The following SGCB variants were observed in gnomAD, a reference collection of about 807,000 sequenced individuals.
The protein encoded by SGCB is sarcoglycan beta.
A neutral mutation model predicts 27.3 loss-of-function variants in SGCB; 25 were observed. The ratio of observed to expected loss-of-function variants is 0.92; its 90% CI spans 0.67 to 1.28. The LOEUF is 1.28. Among genes scored for constraint, SGCB ranks in the 50% most tolerant of loss-of-function variants. The probability of loss-of-function intolerance (pLI) is 0.00; values close to 1 mark genes in which losing one functional copy is unlikely to be tolerated. For synonymous variants in SGCB, 147 were observed against 133.5 expected (o/e 1.10, Z -0.70); for missense variants, 436 against 402.1 (o/e 1.08, Z -0.72).
Position 52,023,782 on chromosome 4 carries a change from T to C in SGCB, c.*175A>G, listed in dbSNP as rs886059438. The C allele has an allele frequency of 1.7e-5, 10 of 596,430 alleles. No individual in the cohort carries two copies. The highest frequency in any genetic ancestry group is 1.5e-4 in the Admixed American group (5 of 34,454). 36.9% of individuals were successfully genotyped at this position (596,430 alleles called of 1,614,324 possible). Reference sequence around the variant, plus strand: ...AAGATTAGTATAAATTAATAAAATGTATTAGAATTTAGGCTCTCTGAGAAG... The same window carrying C: ...AAGATTAGTATAAATTAATAAAATGCATTAGAATTTAGGCTCTCTGAGAAG... On this transcript the variant is annotated 3_prime_UTR_variant, in exon 6 of 6. Coordinates refer to ENST00000381431, the MANE Select transcript of SGCB (RefSeq NM_000232.5).
intron 1 of SGCB, among the ~76,000 whole-genome samples, chr4:52,033,978 T>C (rs921019782): frequency 6.6e-6 from 1 of 151,982 alleles, no homozygotes; most frequent in African/African-American, 2.4e-5. Flanking sequence ...TTTTTTTACG[T>C]ATACAACTGG....
chr4:52,029,904 A>G lies in SGCB; in HGVS notation c.244-41T>C, dbSNP rs543358014. The G allele has an allele frequency of 6.1e-5, 86 of 1,412,638 alleles. No individual in the cohort carries two copies. The South Asian group carries it at 9.4e-4, about 15-fold the overall frequency. 87.5% of individuals were successfully genotyped at this position (1,412,638 alleles called of 1,614,324 possible). ...AGTCCACTGTTGGTAGGCCGCATAC[A>G]TTTAATGTAATTGGAAAACAAATAG... On this transcript the variant is annotated intron_variant, in intron 2 of 5. Coordinates refer to ENST00000381431, the MANE Select transcript of SGCB (RefSeq NM_000232.5).
chr4:52,031,962 C>G (rs1368134960), intron 2 of SGCB: 2 of 456,020 alleles, frequency 4.4e-6, no homozygotes, highest in East Asian at 7.0e-5. Context: ...TGCCAGGGAG[C>G]TGGAGGTGGA....
Position 52,023,735 on chromosome 4 carries a change from A to G in SGCB, c.*222T>C, listed in dbSNP as rs1737012162. 2.0e-6 allele frequency: 1 copy of G among 507,652 alleles called. No individual in the cohort carries two copies. The highest frequency in any genetic ancestry group is 3.4e-5 in the East Asian group (1 of 29,088). 31.4% of individuals were successfully genotyped at this position (507,652 alleles called of 1,614,324 possible). ...TTGATTTTATTTGCTTCTCATAATT[A>G]TTTTAGAGAACAGTAAATATGAAGA... On this transcript the variant is annotated 3_prime_UTR_variant, in exon 6 of 6. Transcript: ENST00000381431.
At chr4:52,026,250 GTTTTT>G (rs71193050) in intron 5 of SGCB, among the ~76,000 whole-genome samples, 3 of 101,646 alleles carry the variant, frequency 3.0e-5, no homozygotes, top group African/African-American at 7.3e-5. Flanking sequence ...TTTGTTGTTG[GTTTTT>G]TTTTTTTTTT....
chr4:52,027,337 T>G (rs1737125389), intron 5 of SGCB, among the ~76,000 whole-genome samples: 2 of 152,094 alleles, frequency 1.3e-5, no homozygotes, highest in Admixed American at 1.3e-4. Flanking sequence ...TTTAATCTGT[T>G]AAGCACAAAG....
At position 52,033,458 on chromosome 4, in the gene SGCB, C is replaced by T; in HGVS notation, c.216G>A (p.Leu72=). Residue 72 remains leucine (L), a synonymous_variant, in exon 2 of 6, where the codon TTG becomes TTA. Transcript: ENST00000381431. ...GNLAICVIIL[L]FILAVINLII... is the part of the protein sequence containing the mutation. ...TTAAATTGATGACAGCCAGGATAAACAAGAGGATAATCACACAGATGGCTA... is the reference window on the plus strand; with the variant it reads ...TTAAATTGATGACAGCCAGGATAAATAAGAGGATAATCACACAGATGGCTA... The T allele has an allele frequency of 6.2e-7, 1 of 1,612,986 alleles. No homozygotes were observed. Among genetic ancestry groups the T allele is most frequent in the Non-Finnish European group, 8.5e-7 (1 of 1,179,006 alleles).
At chr4:52,024,184 T>C (rs1221126437) in intron 5 of SGCB, 24 bp from the exon 6 acceptor site, 1 of 1,573,614 alleles carries the variant, frequency 6.4e-7, no homozygotes, top group Non-Finnish European at 8.7e-7. Flanking sequence ...AGTAATATGA[T>C]TTATTTACCT....
intron 4 of SGCB, 120 bp from the exon 5 acceptor site, chr4:52,028,219 GT>G: frequency 1.3e-6 from 1 of 760,960 alleles, no homozygotes; most frequent in Non-Finnish European, 2.2e-6. Flanking sequence ...TTCTATTAAT[GT>G]TTTAGAGATG....
chr4:52,038,118 C>A (rs1431691109), intron 1 of SGCB, 109 bp downstream of exon 1: 1 of 1,020,608 alleles, frequency 9.8e-7, no homozygotes, highest in East Asian at 6.1e-5. Flanking sequence ...GAACCCAGAC[C>A]CTGCGGCCCG....
chr4:52,038,184 TC>T (rs1220112991), intron 1 of SGCB, 42 bp downstream of exon 1: 1 of 1,187,690 alleles, frequency 8.4e-7, no homozygotes, highest in South Asian at 3.9e-5. Context: ...GGACGCGGCC[TC>T]CCCCGCTCCT....
intron 5 of SGCB, among the ~76,000 whole-genome samples, chr4:52,024,587 G>C (rs1476396650): frequency 2.6e-5 from 4 of 152,016 alleles, no homozygotes; most frequent in Admixed American, 2.6e-4. Context: ...CCAGCACTTT[G>C]GGAGGCCGAG....
chr4:52,031,178 A>G (rs934119221), intron 2 of SGCB, among the ~76,000 whole-genome samples: 4 of 152,124 alleles, frequency 2.6e-5, no homozygotes, highest in Non-Finnish European at 5.9e-5. Context: ...AATCTGTTCT[A>G]GGAAATTTTC....
chr4:52,029,298 G>A (rs2109371479), intron 3 of SGCB, among the ~76,000 whole-genome samples: 1 of 152,256 alleles, frequency 6.6e-6, no homozygotes, highest in East Asian at 1.9e-4. Flanking sequence ...CTCTTCAAGA[G>A]CCCCCAAAAC....
At position 52,036,985 on chromosome 4, in the gene SGCB, G is replaced by A. The variant is rs114957514; in HGVS notation, c.33+1242C>T. 1.6e-3 allele frequency among the ~76,000 whole-genome samples: 237 copies of A among 152,292 alleles called. 3 individuals carry two copies. Among genetic ancestry groups the A allele is most frequent in the African/African-American group, 5.2e-3 (217 of 41,562 alleles). On this transcript the variant is annotated intron_variant, in intron 1 of 5. Coordinates refer to ENST00000381431, the MANE Select transcript of SGCB (RefSeq NM_000232.5). ...GGAAAATTCAGTTAAGTTCAGGGCTGGAGACGTAATGCGTAAATTTGAAGT... is the reference window on the plus strand; with the variant it reads ...GGAAAATTCAGTTAAGTTCAGGGCTAGAGACGTAATGCGTAAATTTGAAGT...
chr4:52,024,020 C>T lies in SGCB; in HGVS notation c.894G>A (p.Val298=), dbSNP rs1340571665. 3 of 1,614,044 alleles carry T rather than the reference C, an allele frequency of 1.9e-6. No individual in the cohort carries two copies. In the African/African-American group the frequency reaches 4.0e-5, roughly 22 times the overall value. Residue 298 remains valine, a synonymous_variant, in exon 6 of 6, where the codon GTG becomes GTA. Transcript: ENST00000381431. ...AGCCCATGTTCTGGCTGGTTACTTG[C>T]ACCTTGAAGAGCGTCCCATCAGCAC... ...CMCADGTLFK[V]QVTSQNMGCQ...
rs1048535422 is a variant in SGCB, at chr4:52,024,130, T to C, written c.784A>G (p.Met262Val). 2 of 1,613,894 alleles carry C rather than the reference T, an allele frequency of 1.2e-6. No individual in the cohort carries two copies. Among genetic ancestry groups the C allele is most frequent in the African/African-American group, 2.7e-5 (2 of 74,910 alleles). Residue 262 changes from methionine (M) to valine (V), a missense_variant, in exon 6 of 6, where the codon ATG becomes GTG. By Grantham distance (21) the Met-to-Val change is conservative. Transcript: ENST00000381431. The stretch of plus-strand genomic sequence containing the variant: ...CTGGGTAGGCGGGTGGTGCTGACCA[T>C]CACAGATCCATTTAGGATGATACTG... ...ENSIILNGSV[M>V]VSTTRLPSSS...
At chr4:52,038,089 CGCCCCGATCGG>C in intron 1 of SGCB, 127 bp downstream of exon 1, 2 of 238,768 alleles carry the variant, frequency 8.4e-6, no homozygotes, top group Non-Finnish European at 1.4e-5. Context: ...CGCCCCGCCC[CGCCCCGATCGG>C]CCCCGCCGAA....
At chr4:52,027,908 A>G in intron 5 of SGCB, 60 bp downstream of exon 5, 1 of 1,450,786 alleles carries the variant, frequency 6.9e-7, no homozygotes, top group Non-Finnish European at 9.7e-7. Context: ...ACTATTCCAC[A>G]TATGGATTTA....
Sources: gnomAD v4.1 joint callset for allele counts (sites outside exome capture counted in the v4.1 genomes callset) on GRCh38, gnomAD v4.1.1 for gene constraint, MANE v1.5 for transcripts, NCBI Gene and HGNC (gene_info 2026-07-23, HGNC 2026-07-21) for gene names.